HCRTR1: variants seen among roughly 807,000 people sequenced by gnomAD.
The protein encoded by HCRTR1 is hypocretin receptor 1, also known as orexin/Hypocretin receptor type 1.
Under a neutral mutation model 40.6 loss-of-function variants are expected in HCRTR1, and 28 were observed. The ratio of observed to expected loss-of-function variants is 0.69; its 90% CI spans 0.51 to 0.95. The LOEUF (loss-of-function observed/expected upper bound fraction) is 0.95. HCRTR1 is among the 40% of genes least tolerant of loss of function. HCRTR1 has a pLI of 0.00. For missense variants in HCRTR1, 482 were observed against 564.7 expected (o/e 0.85, Z 1.48); for synonymous variants, 209 against 230.0 (o/e 0.91, Z 0.83).
intron 6 of HCRTR1, among the ~76,000 whole-genome samples, chr1:31,622,386 G>A (rs1639875097): frequency 6.6e-6 from 1 of 152,084 alleles, no homozygotes; most frequent in African/African-American, 2.4e-5. Context: ...TTGCACCCAG[G>A]CCATGCCGGG....
Position 31,626,716 on chromosome 1 carries a change from G to A in HCRTR1, c.1088-74G>A, listed in dbSNP as rs1570258329. 3 of 1,531,186 alleles carry A rather than the reference G, an allele frequency of 2.0e-6. No individual in the cohort carries two copies. The Admixed American group carries it at 5.9e-5, about 30-fold the overall frequency. The allele number at this position is 1,531,186 out of a possible 1,614,324, so 94.8% of individuals were successfully genotyped here. Reference sequence around the variant, plus strand: ...TAGGCAGCTTGGCTGGAGCTGCGTGGGTGTCCCTGGGCTCAAGGCCCCTTC... The same window carrying A: ...TAGGCAGCTTGGCTGGAGCTGCGTGAGTGTCCCTGGGCTCAAGGCCCCTTC... On this transcript the variant is annotated intron_variant, in intron 8 of 8. Coordinates refer to ENST00000403528, the MANE Select transcript of HCRTR1 (RefSeq NM_001525.3). The surrounding 1 kb of genome is among the most constrained non-coding windows in gnomAD (Gnocchi z 4.6).
rs973422005 is a variant in HCRTR1 at position 31,619,716 on chromosome 1, C to A, written c.378+6C>A. On this transcript the variant is annotated splice_donor_region_variant and intron_variant, in intron 4 of 8. Coordinates refer to ENST00000403528, the MANE Select transcript of HCRTR1 (RefSeq NM_001525.3). ...AGGTCATCCCCTATCTACAGGTGAG[C>A]TCTGCCCAGGCACCCCTCACCACTC... The A allele has an allele frequency of 6.3e-7, 1 of 1,585,472 alleles. No individual in the cohort carries two copies. Among genetic ancestry groups the A allele is most frequent in the South Asian group, 1.2e-5 (1 of 86,474 alleles).
At chr1:31,620,721 G>A (rs1317842256) in intron 4 of HCRTR1, 122 bp from the exon 5 acceptor site, 3 of 1,278,908 alleles carry the variant, frequency 2.3e-6, no homozygotes, top group African/African-American at 2.9e-5. Flanking sequence ...CATTTACACA[G>A]CCAGTAAGTG....
In HCRTR1 at chr1:31,627,070, A is replaced by G; in HGVS notation, c.*90A>G. The G allele has an allele frequency of 6.6e-7, 1 of 1,522,804 alleles. No individual in the cohort carries two copies. Among genetic ancestry groups the G allele is most frequent in the Non-Finnish European group, 8.8e-7 (1 of 1,138,890 alleles). The allele number at this position is 1,522,804 out of a possible 1,614,324, so 94.3% of individuals were successfully genotyped here. A position where few individuals can be genotyped will look rare whatever the true frequency, so the allele number is the denominator to read the frequency against. ...GGATGTGGTGAAAGGCTGTGGCTTC[A>G]GTCCTGGGTTTCTGCCTGTGTGACT... On this transcript the variant is annotated 3_prime_UTR_variant, in exon 9 of 9. Transcript: ENST00000403528.
At chr1:31,622,648 C>T (rs373642555) in intron 6 of HCRTR1, among the ~76,000 whole-genome samples, 3 of 152,182 alleles carry the variant, frequency 2.0e-5, no homozygotes, top group Non-Finnish European at 4.4e-5. Flanking sequence ...GCTCTAGACC[C>T]GCGTTTCCAG....
In HCRTR1 at chr1:31,625,150, G is replaced by T. The variant is rs1429637320; in HGVS notation, c.1087+32G>T. The T allele has an allele frequency of 6.4e-7, 1 of 1,569,222 alleles. No individual in the cohort carries two copies. Among genetic ancestry groups the T allele is most frequent in the East Asian group, 2.3e-5 (1 of 42,760 alleles). On this transcript the variant is annotated intron_variant, in intron 8 of 8. Coordinates refer to ENST00000403528, the MANE Select transcript of HCRTR1 (RefSeq NM_001525.3). The surrounding 1 kb of genome is among the most constrained non-coding windows in gnomAD (Gnocchi z 4.2). ...AGGCTGGGGATGCAAAATGACTGAGGGTGGCCAACAGTCCACATGACAAGT... is the reference window on the plus strand; with the variant it reads ...AGGCTGGGGATGCAAAATGACTGAGTGTGGCCAACAGTCCACATGACAAGT...
intron 2 of HCRTR1, 51 bp from the exon 3 acceptor site, chr1:31,619,000 G>A: frequency 1.7e-6 from 1 of 595,360 alleles, no homozygotes; most frequent in South Asian, 2.0e-5. Flanking sequence ...AATCCCTAAT[G>A]TTTCCTTCCT....
At chr1:31,619,421 C>T (rs899246509) in intron 3 of HCRTR1, 30 bp downstream of exon 3, 1 of 1,613,360 alleles carries the variant, frequency 6.2e-7, no homozygotes, top group African/African-American at 1.3e-5. Context: ...GGCAGTGCTG[C>T]CGGCTTTCCC....
At chr1:31,632,241 G>A (rs1640124611), downstream of HCRTR1, 4 of 656,492 alleles carry the variant, frequency 6.1e-6, no homozygotes, top group South Asian at 5.2e-5. Context: ...GCTCCCTGTG[G>A]CTGGGGCCGT....
downstream of HCRTR1, chr1:31,629,793 T>G (rs1178495567): frequency 6.6e-6 from 1 of 152,238 alleles, no homozygotes; most frequent in African/African-American, 2.4e-5. Flanking sequence ...GTGTATAGGA[T>G]GTACTTAAAT....
downstream of HCRTR1, among the ~76,000 whole-genome samples, chr1:31,631,763 A>T (rs1640110325): frequency 6.6e-6 from 1 of 152,178 alleles, no homozygotes; most frequent in African/African-American, 2.4e-5. Context: ...GTAGGTGATT[A>T]CTATAGGTCA....
intron 6 of HCRTR1, among the ~76,000 whole-genome samples, chr1:31,623,217 T>C (rs1372644811): frequency 6.7e-6 from 1 of 149,414 alleles, no homozygotes; most frequent in Non-Finnish European, 1.5e-5. Context: ...TAATCCCAGC[T>C]ACTCGGGAGG....
downstream of HCRTR1, among the ~76,000 whole-genome samples, chr1:31,633,768 C>G (rs1396608726): frequency 2.6e-5 from 4 of 151,988 alleles, no homozygotes; most frequent in Non-Finnish European, 5.9e-5. Context: ...CCAGCTTGAC[C>G]AACATGGAGA....
At chr1:31,632,101 C>T (rs910291635), downstream of HCRTR1, among the ~76,000 whole-genome samples, 26 of 152,266 alleles carry the variant, frequency 1.7e-4, no homozygotes, top group African/African-American at 6.3e-4. Context: ...GAGGTGGCAA[C>T]AGACCCATCT....
chr1:31,623,615 G>T lies in HCRTR1; in HGVS notation c.831G>T (p.Gln277His). ...AGCAGGGCCTGAGTGGAGAGCCCCA[G>T]CCCCGGGCCCGCGCCTTCCTGGCTG... is the stretch of plus-strand genomic sequence containing the variant. Reference protein sequence around the residue: ...DLEQGLSGEPQPRARAFLAEV... With the variant: ...DLEQGLSGEPHPRARAFLAEV... The change falls in exon 7 of 9, where the codon CAG becomes CAT. Residue 277 changes from glutamine to histidine, a missense_variant. Transcript: ENST00000403528. 6.2e-7 allele frequency: 1 copy of T among 1,613,846 alleles called. No individual in the cohort carries two copies. The highest frequency in any genetic ancestry group is 8.5e-7 in the Non-Finnish European group (1 of 1,180,022).
chr1:31,621,463 C>T lies in HCRTR1; in HGVS notation c.623-14C>T. Reference sequence around the variant, plus strand: ...ACGGATTGGGCCTGACTCTGCATCTCTTGACCCCTGCAGATGACCTCTATC... The same window carrying T: ...ACGGATTGGGCCTGACTCTGCATCTTTTGACCCCTGCAGATGACCTCTATC... On this transcript the variant is annotated splice_polypyrimidine_tract_variant and intron_variant, in intron 5 of 8. Coordinates refer to ENST00000403528, the MANE Select transcript of HCRTR1 (RefSeq NM_001525.3). 1 of 1,578,934 alleles carries T rather than the reference C, an allele frequency of 6.3e-7. No individual in the cohort carries two copies. Among genetic ancestry groups the T allele is most frequent in the Non-Finnish European group, 8.7e-7 (1 of 1,147,850 alleles).
chr1:31,620,786 ACT>A, intron 4 of HCRTR1, 55 bp from the exon 5 acceptor site: 1 of 1,580,872 alleles, frequency 6.3e-7, no homozygotes, highest in Admixed American at 1.7e-5. Context: ...TCACTCACCT[ACT>A]CTCACATCGC....
At chr1:31,631,902 G>A (rs894586060), downstream of HCRTR1, among the ~76,000 whole-genome samples, 17 of 141,876 alleles carry the variant, frequency 1.2e-4, no homozygotes, top group African/African-American at 4.0e-4. Flanking sequence ...TCCCTCCTGG[G>A]TGGCAAAGCT....
At chr1:31,618,701 G>C (rs1246816767) in intron 1 of HCRTR1, 55 bp from the exon 2 acceptor site, 1 of 164,020 alleles carries the variant, frequency 6.1e-6, no homozygotes. Flanking sequence ...CTGCAAAGCA[G>C]GGTACCCTAA....
Sources: gnomAD v4.1 joint callset for allele counts (sites outside exome capture counted in the v4.1 genomes callset) on GRCh38, gnomAD v4.1.1 for gene constraint, Gnocchi (gnomAD v3.1) non-coding constraint, MANE v1.5 for transcripts, NCBI Gene and HGNC (gene_info 2026-07-23, HGNC 2026-07-21) for gene names.